The following TBC1D9 variants were observed in gnomAD, a reference collection of about 807,000 sequenced individuals.
The protein encoded by TBC1D9 is TBC1 domain family member 9, also known as TBC1 domain family member 9A.
TBC1D9 carries 63 observed loss-of-function variants against 132.0 expected under a neutral mutation model. That is an observed-to-expected ratio of 0.48 (90% CI 0.39 to 0.59). TBC1D9 has a LOEUF of 0.59. Ranked by LOEUF, TBC1D9 falls within the 20% of genes least tolerant of loss-of-function variation. TBC1D9 has a pLI of 0.00. For missense variants in TBC1D9, 1,261 were observed against 1,592.7 expected, an observed-to-expected ratio of 0.79 and a Z score of 3.54; for synonymous variants, 610 against 609.9, an observed-to-expected ratio of 1.00 and a Z score of 0.00.
At chr4:140,679,912 G>A in intron 3 of TBC1D9, 69 bp from the exon 4 acceptor site, 8 of 1,303,308 alleles carry the variant, frequency 6.1e-6, no homozygotes, top group South Asian at 3.3e-5. Flanking sequence ...TATTCCAGAA[G>A]AAAAAATTTC....
Position 140,681,388 on chromosome 4 carries a change from C to T in TBC1D9, c.361-1545G>A, listed in dbSNP as rs149967750. On this transcript the variant is annotated intron_variant, in intron 3 of 20. Coordinates refer to ENST00000442267, the MANE Select transcript of TBC1D9 (RefSeq NM_015130.3). ...GAAATCATTTCCTGAGTCTTATTTC[C>T]ACTGCAGACCTTTCACCCTGTTGCC... Among the ~76,000 whole-genome samples the T allele has an allele frequency of 3.6e-3, 546 of 152,210 alleles. 4 individuals are homozygous for T. The highest frequency in any genetic ancestry group is 0.013 in the African/African-American group (528 of 41,504).
At chr4:140,713,614 C>T (rs1738283735) in intron 1 of TBC1D9, among the ~76,000 whole-genome samples, 1 of 151,944 alleles carries the variant, frequency 6.6e-6, no homozygotes, top group Admixed American at 6.6e-5. Flanking sequence ...TGGTGCATGC[C>T]TGTAGTTCCA....
At chr4:140,688,660 C>T (rs13127005) in intron 2 of TBC1D9, among the ~76,000 whole-genome samples, 54,555 of 151,894 alleles carry the variant, frequency 0.36, 11,697 homozygotes, top group South Asian at 0.47. Flanking sequence ...CAGAGTGAGA[C>T]CCTGTGGAGA....
chr4:140,720,698 T>C (rs963006102), intron 1 of TBC1D9, among the ~76,000 whole-genome samples: 1 of 152,226 alleles, frequency 6.6e-6, no homozygotes, highest in Admixed American at 6.5e-5. Flanking sequence ...GCAAGTTCTC[T>C]GCTGTTGCTA....
chr4:140,739,759 T>C (rs560729865), intron 1 of TBC1D9, among the ~76,000 whole-genome samples: 1 of 152,316 alleles, frequency 6.6e-6, no homozygotes, highest in South Asian at 2.1e-4. Context: ...TCCCAGCTAC[T>C]AGGGAAGCTG....
At chr4:140,624,832 A>G (rs1209673610) in intron 18 of TBC1D9, among the ~76,000 whole-genome samples, 5 of 152,168 alleles carry the variant, frequency 3.3e-5, no homozygotes, top group African/African-American at 1.2e-4. Context: ...TGGGCAGATC[A>G]CCTGAGGTCA....
chr4:140,642,724 T>A (rs1452153813), intron 13 of TBC1D9: 1 of 655,176 alleles, frequency 1.5e-6, no homozygotes, highest in Non-Finnish European at 2.7e-6. Context: ...GCCCTTTGTG[T>A]CTCTTCCTTA....
chr4:140,662,188 T>G (rs1014295044), intron 9 of TBC1D9, 81 bp from the exon 10 acceptor site: 21 of 1,104,754 alleles, frequency 1.9e-5, no homozygotes, highest in Non-Finnish European at 2.4e-5. Flanking sequence ...ATGATTGAAC[T>G]GCTTTACTTT....
intron 18 of TBC1D9, among the ~76,000 whole-genome samples, chr4:140,627,149 A>C (rs983705922): frequency 5.3e-5 from 8 of 152,320 alleles, no homozygotes; most frequent in African/African-American, 1.9e-4. Flanking sequence ...GCCTAACAGG[A>C]TATTATTAAT....
Position 140,621,890 on chromosome 4 carries a change from C to A in TBC1D9, c.*305G>T. 1 of 244,358 alleles carries A rather than the reference C, an allele frequency of 4.1e-6. No individual in the cohort carries two copies. Among genetic ancestry groups the A allele is most frequent in the Non-Finnish European group, 7.8e-6 (1 of 128,552 alleles). 15.1% of individuals were successfully genotyped at this position (244,358 alleles called of 1,614,324 possible). On this transcript the variant is annotated 3_prime_UTR_variant, in exon 21 of 21. Coordinates refer to ENST00000442267, the MANE Select transcript of TBC1D9 (RefSeq NM_015130.3). ...TTAAACCATGTATACAGCTCAACAG[C>A]AAGATTAATAAGTTATAATACACAC... is the stretch of plus-strand genomic sequence containing the variant.
chr4:140,657,619 C>T lies in TBC1D9; in HGVS notation c.2115G>A (p.Val705=). The change falls in exon 12 of 21, where the codon GTG becomes GTA. Residue 705 remains valine, a synonymous_variant. Coordinates refer to ENST00000442267, the MANE Select transcript of TBC1D9 (RefSeq NM_015130.3). ...VDCFFYEGIK[V]IFQLALAVLD... ...GCACAGCTAGGGCCAACTGGAATAT[C>T]ACTTTAATTCCTTCATAGAAGAAAC... 1 of 1,613,994 alleles carries T rather than the reference C, an allele frequency of 6.2e-7. No individual in the cohort carries two copies. The highest frequency in any genetic ancestry group is 1.1e-5 in the South Asian group (1 of 91,080).
At chr4:140,639,484 C>T in intron 13 of TBC1D9, 56 bp from the exon 14 acceptor site, 1 of 1,258,386 alleles carries the variant, frequency 7.9e-7, no homozygotes, top group African/African-American at 1.5e-5. Flanking sequence ...ACACAATGTC[C>T]TGTCTGCAGA....
intron 13 of TBC1D9, among the ~76,000 whole-genome samples, chr4:140,652,130 A>G (rs1472048395): frequency 1.3e-5 from 2 of 151,864 alleles, no homozygotes; most frequent in African/African-American, 4.8e-5. Context: ...AGTTTCAGCT[A>G]CTTGGGAGGC....
At chr4:140,669,907 C>A in intron 7 of TBC1D9, 103 bp from the exon 8 acceptor site, 1 of 1,202,572 alleles carries the variant, frequency 8.3e-7, no homozygotes, top group South Asian at 1.6e-5. Flanking sequence ...CATTTTTTTC[C>A]CATGGTGTTT....
chr4:140,692,944 G>A (rs1194518385), intron 2 of TBC1D9, among the ~76,000 whole-genome samples: 1 of 151,996 alleles, frequency 6.6e-6, no homozygotes, highest in East Asian at 1.9e-4. Context: ...ACCTAAGAAT[G>A]GGGAGATCAA....
At chr4:140,753,688 G>A (rs2111089069) in intron 1 of TBC1D9, among the ~76,000 whole-genome samples, 1 of 152,248 alleles carries the variant, frequency 6.6e-6, no homozygotes, top group South Asian at 2.1e-4. Context: ...TTTCTGCTGG[G>A]ACTCTGTAGA....
intron 16 of TBC1D9, among the ~76,000 whole-genome samples, chr4:140,633,677 C>T (rs751627364): frequency 2.6e-5 from 4 of 151,846 alleles, no homozygotes; most frequent in Admixed American, 6.5e-5. Context: ...AAACATTTGT[C>T]TCTTGTAAAA....
At chr4:140,730,591 G>T (rs1738573838) in intron 1 of TBC1D9, among the ~76,000 whole-genome samples, 1 of 152,112 alleles carries the variant, frequency 6.6e-6, no homozygotes, top group African/African-American at 2.4e-5. Flanking sequence ...GCCAGGTGTG[G>T]TGGTGGGTGC....
intron 1 of TBC1D9, among the ~76,000 whole-genome samples, chr4:140,702,161 T>C (rs1738079694): frequency 6.6e-6 from 1 of 152,142 alleles, no homozygotes; most frequent in East Asian, 1.9e-4. Context: ...TGCTATGAAA[T>C]GATGCAGGAA....
Sources: allele counts gnomAD v4.1 joint callset (sites outside exome capture counted in the v4.1 genomes callset), GRCh38; gene constraint gnomAD v4.1.1; transcripts MANE v1.5; gene names NCBI Gene and HGNC (gene_info 2026-07-23, HGNC 2026-07-21).